GALNT13: variants seen among roughly 807,000 people sequenced by gnomAD.
GALNT13 encodes the protein polypeptide N-acetylgalactosaminyltransferase 13.
GALNT13 carries 28 observed loss-of-function variants against 64.2 expected under a neutral mutation model. The observed-to-expected ratio is 0.44, with a 90% confidence interval of 0.32 to 0.60. GALNT13 has a LOEUF of 0.60. Among genes scored for constraint, GALNT13 ranks in the 20% least tolerant of loss-of-function variants. The pLI is 0.05. For missense variants in GALNT13, 577 were observed against 669.8 expected (o/e 0.86, Z 1.53); for synonymous variants, 214 against 224.6 (o/e 0.95, Z 0.42).
the GALNT13 span, among the ~76,000 whole-genome samples, chr2:153,777,757 G>A: frequency 1.3e-5 from 2 of 152,220 alleles, no homozygotes; most frequent in East Asian, 1.9e-4. Context: ...AGTGTCTAGG[G>A]GTGGATGTTT....
At chr2:153,073,113 C>T in the GALNT13 span, among the ~76,000 whole-genome samples, 37 of 152,112 alleles carry the variant, frequency 2.4e-4, no homozygotes, top group Middle Eastern at 3.4e-3. Flanking sequence ...GTAGGTTACG[C>T]GCTTTGAAAT....
In GALNT13 at chr2:154,232,191, A is replaced by AAG. The variant is rs555359955; in HGVS notation, c.312-9838_312-9837dup. On this transcript the variant is annotated intron_variant, in intron 4 of 12. Transcript: ENST00000392825. ...TTCATGCAATGCCTGCCTCACTGTG[A>AAG]AGCTTTCACTCATTCAACCTCTTAT... is the stretch of plus-strand genomic sequence containing the variant. Among the ~76,000 whole-genome samples the AAG allele has an allele frequency of 3.6e-4, 55 of 152,224 alleles. No individual in the cohort carries two copies. The South Asian group carries it at 3.7e-3, about 10-fold the overall frequency.
chr2:154,378,897 A>G (rs562131185), intron 9 of GALNT13, among the ~76,000 whole-genome samples: 17 of 152,234 alleles, frequency 1.1e-4, no homozygotes, highest in African/African-American at 4.1e-4. Flanking sequence ...TTTTGTCATG[A>G]TGCCTCTACT....
At chr2:153,217,742 A>T in the GALNT13 span, among the ~76,000 whole-genome samples, 4 of 152,004 alleles carry the variant, frequency 2.6e-5, no homozygotes, top group Admixed American at 6.6e-5. Context: ...TTTCTCTTAA[A>T]TCTTTAGTTA....
At chr2:153,478,890 G>C in the GALNT13 span, 10 of 327,282 alleles carry the variant, frequency 3.1e-5, no homozygotes, top group Middle Eastern at 2.4e-3. Context: ...GCAGCGGCGG[G>C]GTGGCTGCGC....
At chr2:153,427,322 TAAG>T in the GALNT13 span, among the ~76,000 whole-genome samples, 1 of 151,946 alleles carries the variant, frequency 6.6e-6, no homozygotes, top group African/African-American at 2.4e-5. Flanking sequence ...TGCCAGAAGA[TAAG>T]AGGCCACACA....
intron 9 of GALNT13, among the ~76,000 whole-genome samples, chr2:154,355,889 T>G (rs558536906): frequency 2.0e-5 from 3 of 152,070 alleles, no homozygotes; most frequent in African/African-American, 4.8e-5. Context: ...ATTTAAATTT[T>G]CTTAGTGACA....
chr2:153,620,662 A>G, the GALNT13 span, among the ~76,000 whole-genome samples: 1 of 151,954 alleles, frequency 6.6e-6, no homozygotes, highest in Admixed American at 6.6e-5. Flanking sequence ...ATTGAATTCT[A>G]TGTATGTTTT....
chr2:153,723,318 C>G, the GALNT13 span, among the ~76,000 whole-genome samples: 1 of 150,614 alleles, frequency 6.6e-6, no homozygotes, highest in Non-Finnish European at 1.5e-5. Context: ...ATCATAAGAG[C>G]TATCTATGAC....
chr2:153,239,710 T>G, the GALNT13 span, among the ~76,000 whole-genome samples: 3 of 152,188 alleles, frequency 2.0e-5, no homozygotes, highest in African/African-American at 7.2e-5. Context: ...TTTTAATGTA[T>G]TGTTAAATTT....
chr2:153,630,787 ATATATATATATATATATATATTT>A, the GALNT13 span, among the ~76,000 whole-genome samples: 5 of 10,694 alleles, frequency 4.7e-4, no homozygotes, highest in Admixed American at 2.1e-3. Flanking sequence ...ATATATATAT[ATATATATATATATATATATATTT>A]TTTTTTTTTT....
chr2:153,082,604 TATATATATATATATACACACACAC>T, the GALNT13 span, among the ~76,000 whole-genome samples: 20 of 43,990 alleles, frequency 4.5e-4, no homozygotes, highest in African/African-American at 1.9e-3. Flanking sequence ...TATATATATA[TATATATATATATATACACACACAC>T]ACACACACAC....
the GALNT13 span, among the ~76,000 whole-genome samples, chr2:153,353,668 C>T: frequency 2.6e-5 from 4 of 152,068 alleles, no homozygotes; most frequent in South Asian, 6.2e-4. Flanking sequence ...AATGGGTGTT[C>T]GTTTTCATCA....
chr2:154,445,674 G>T, intron 12 of GALNT13: 2 of 377,918 alleles, frequency 5.3e-6, no homozygotes, highest in Non-Finnish European at 9.2e-6. Context: ...CTATTTTACT[G>T]TGGAAGATAA....
intron 4 of GALNT13, among the ~76,000 whole-genome samples, chr2:154,146,139 T>C (rs1683582720): frequency 1.0e-5 from 1 of 99,146 alleles, no homozygotes; most frequent in South Asian, 2.7e-4. Flanking sequence ...TGTGTGTGTA[T>C]ATATATATAT....
chr2:154,150,872 A>G (rs1375425000), intron 4 of GALNT13, among the ~76,000 whole-genome samples: 1 of 152,210 alleles, frequency 6.6e-6, no homozygotes, highest in East Asian at 1.9e-4. Context: ...GATCCTTTCA[A>G]AAAACCAGCT....
At chr2:153,803,582 C>T in the GALNT13 span, among the ~76,000 whole-genome samples, 3 of 151,234 alleles carry the variant, frequency 2.0e-5, no homozygotes, top group African/African-American at 7.3e-5. Flanking sequence ...GTCCCAGCTA[C>T]TCGGGAGGCT....
At chr2:153,736,140 A>G in the GALNT13 span, among the ~76,000 whole-genome samples, 1 of 152,160 alleles carries the variant, frequency 6.6e-6, no homozygotes, top group Non-Finnish European at 1.5e-5. Flanking sequence ...TTTCTTCTAC[A>G]TTTCTTCAGT....
At chr2:153,380,121 C>T in the GALNT13 span, among the ~76,000 whole-genome samples, 2 of 152,154 alleles carry the variant, frequency 1.3e-5, no homozygotes, top group East Asian at 3.9e-4. Flanking sequence ...CTTCCATATC[C>T]ATGGCCTCCA....
Sources: allele counts gnomAD v4.1 joint callset (sites outside exome capture counted in the v4.1 genomes callset), GRCh38; gene constraint gnomAD v4.1.1; transcripts MANE v1.5; gene names NCBI Gene and HGNC (gene_info 2026-07-23, HGNC 2026-07-21).